The following PHIP variants were observed in gnomAD, a reference collection of about 807,000 sequenced individuals.
PHIP encodes PH-interacting protein.
Under a neutral mutation model 236.8 loss-of-function variants are expected in PHIP, and 54 were observed. The ratio of observed to expected loss-of-function variants is 0.23; its 90% CI spans 0.18 to 0.29. PHIP has a LOEUF of 0.29. PHIP is among the 10% of genes least tolerant of loss of function. The pLI is 1.00. For synonymous variants in PHIP, 756 were observed against 718.9 expected (o/e 1.05, Z -0.83); for missense variants, 1,370 against 2,190.8 (o/e 0.63, Z 7.48).
At chr6:78,944,725 C>T (rs1478004907) in intron 39 of PHIP, among the ~76,000 whole-genome samples, 1 of 152,182 alleles carries the variant, frequency 6.6e-6, no homozygotes, top group African/African-American at 2.4e-5. Context: ...ATGTCTTAGA[C>T]ACACTTTGAA....
At chr6:79,023,147 C>T (rs2127746300) in intron 9 of PHIP, among the ~76,000 whole-genome samples, 1 of 152,304 alleles carries the variant, frequency 6.6e-6, no homozygotes, top group Non-Finnish European at 1.5e-5. Context: ...GGTGAGATCA[C>T]AGCTCACTTC....
At chr6:79,056,189 A>T (rs180895411) in intron 6 of PHIP, among the ~76,000 whole-genome samples, 1 of 152,244 alleles carries the variant, frequency 6.6e-6, no homozygotes, top group Non-Finnish European at 1.5e-5. Flanking sequence ...AATAGTAGAG[A>T]TAAGTAAAAC....
intron 6 of PHIP, among the ~76,000 whole-genome samples, chr6:79,051,732 A>G (rs1437869577): frequency 2.0e-5 from 3 of 152,316 alleles, no homozygotes; most frequent in Admixed American, 6.5e-5. Context: ...AAAAGGGTAG[A>G]TATGATAATT....
chr6:79,032,818 A>T (rs1339080083), intron 7 of PHIP, among the ~76,000 whole-genome samples: 4 of 151,764 alleles, frequency 2.6e-5, no homozygotes, highest in African/African-American at 7.3e-5. Context: ...CAGGTGAAAC[A>T]GGAGGTTTTC....
rs563513734 is a variant in PHIP at position 79,036,516 on chromosome 6, G to T, written c.600+6327C>A. 5.3e-5 allele frequency among the ~76,000 whole-genome samples: 8 copies of T among 152,240 alleles called. No homozygotes were observed. In the South Asian group the frequency reaches 1.7e-3, roughly 32 times the overall value. On this transcript the variant is annotated intron_variant, in intron 7 of 39. Coordinates refer to ENST00000275034, the MANE Select transcript of PHIP (RefSeq NM_017934.7). ...AATTTCAAACGTACAAAAGTTTCAA[G>T]AACAGTACAAATGTTTCCCATATCT...
chr6:79,017,221 T>C (rs777557264), intron 12 of PHIP, 125 bp downstream of exon 12: 2 of 583,666 alleles, frequency 3.4e-6, no homozygotes, highest in Non-Finnish European at 6.0e-6. Context: ...CACTTTTAAG[T>C]ATAACTGGTC....
At chr6:78,992,379 G>C (rs1405145705) in intron 19 of PHIP, among the ~76,000 whole-genome samples, 1 of 152,112 alleles carries the variant, frequency 6.6e-6, no homozygotes, top group Non-Finnish European at 1.5e-5. Context: ...ACAATCCACT[G>C]ATCTTACTGA....
intron 9 of PHIP, among the ~76,000 whole-genome samples, chr6:79,020,922 T>C (rs1771086058): frequency 1.3e-5 from 2 of 152,174 alleles, no homozygotes; most frequent in South Asian, 2.1e-4. Flanking sequence ...TTTTAAAGTA[T>C]TAAATTAGTG....
rs543814235 is a variant in PHIP, at chr6:78,945,295, C to T, written c.4828+5G>A. The T allele has an allele frequency of 5.7e-6, 9 of 1,590,592 alleles. No individual in the cohort carries two copies. In the African/African-American group the frequency reaches 8.0e-5, roughly 14 times the overall value. Reference sequence around the variant, plus strand: ...GTATCTTGAAAGATACAAGTAATACCTTACCTTGCTCAATGACAGCTGATG... The same window carrying T: ...GTATCTTGAAAGATACAAGTAATACTTTACCTTGCTCAATGACAGCTGATG... On this transcript the variant is annotated splice_donor_5th_base_variant and intron_variant, in intron 39 of 39. Coordinates refer to ENST00000275034, the MANE Select transcript of PHIP (RefSeq NM_017934.7).
intron 6 of PHIP, among the ~76,000 whole-genome samples, chr6:79,059,041 A>C (rs1460093716): frequency 1.3e-5 from 2 of 152,068 alleles, no homozygotes; most frequent in African/African-American, 4.8e-5. Flanking sequence ...ATATATTGAA[A>C]TTATTTAAAC....
At chr6:79,067,578 T>A (rs1045105898) in intron 4 of PHIP, 1 of 152,236 alleles carries the variant, frequency 6.6e-6, no homozygotes, top group African/African-American at 2.4e-5. Flanking sequence ...TCTTATTTTT[T>A]AAAAACAATT....
intron 6 of PHIP, among the ~76,000 whole-genome samples, chr6:79,059,591 T>TTATATATATATATATATATATA (rs72226338): frequency 9.8e-4 from 83 of 84,686 alleles, no homozygotes; most frequent in African/African-American, 1.5e-3. Context: ...GAAAGCAAAA[T>TTATATATATATATATATATATA]TATATATATA....
intron 6 of PHIP, among the ~76,000 whole-genome samples, chr6:79,048,286 G>C (rs547112878): frequency 6.6e-6 from 1 of 152,032 alleles, no homozygotes; most frequent in Admixed American, 6.6e-5. Flanking sequence ...AATTTTCAAT[G>C]CAGATGATTT....
At chr6:78,983,518 C>A (rs1382058641) in intron 22 of PHIP, among the ~76,000 whole-genome samples, 1 of 152,010 alleles carries the variant, frequency 6.6e-6, no homozygotes, top group Non-Finnish European at 1.5e-5. Context: ...CAGAAGGTGT[C>A]AACATTAAGG....
chr6:79,027,054 G>A (rs188453511), intron 7 of PHIP, among the ~76,000 whole-genome samples: 56 of 152,016 alleles, frequency 3.7e-4, no homozygotes, highest in Admixed American at 3.5e-3. Context: ...AATGCTTAAC[G>A]ACCTTCCAAT....
chr6:78,951,559 A>G (rs1317368210), intron 35 of PHIP, among the ~76,000 whole-genome samples: 1 of 152,196 alleles, frequency 6.6e-6, no homozygotes, highest in Non-Finnish European at 1.5e-5. Flanking sequence ...CTCTTCTGTG[A>G]CAGTAATTAA....
chr6:78,982,776 T>C (rs1768623997), intron 23 of PHIP, 110 bp downstream of exon 23: 1 of 651,568 alleles, frequency 1.5e-6, no homozygotes, highest in Non-Finnish European at 2.5e-6. Flanking sequence ...TTTTTTCTAT[T>C]ATTATTTGCT....
At chr6:79,039,517 T>C (rs950185059) in intron 7 of PHIP, among the ~76,000 whole-genome samples, 8 of 152,156 alleles carry the variant, frequency 5.3e-5, no homozygotes, top group East Asian at 1.9e-4. Context: ...TATATCAATA[T>C]TGTTTGTTTA....
intron 32 of PHIP, 44 bp downstream of exon 32, chr6:78,958,431 T>C: frequency 2.5e-6 from 3 of 1,197,984 alleles, no homozygotes; most frequent in Non-Finnish European, 3.7e-6. Flanking sequence ...GTAGTGCCAT[T>C]AATTATTAAA....
Sources: gnomAD v4.1 joint callset for allele counts (sites outside exome capture counted in the v4.1 genomes callset) on GRCh38, gnomAD v4.1.1 for gene constraint, MANE v1.5 for transcripts, NCBI Gene and HGNC (gene_info 2026-07-23, HGNC 2026-07-21) for gene names.